The following NRDE2 variants were observed in gnomAD, a reference collection of about 807,000 sequenced individuals.
NRDE2 encodes the protein NRDE-2, necessary for RNA interference, domain containing.
NRDE2 carries 76 observed loss-of-function variants against 124.2 expected under a neutral mutation model. That is an observed-to-expected ratio of 0.61 (90% CI 0.51 to 0.74). The LOEUF is 0.74. NRDE2 is among the 30% of genes least tolerant of loss of function. NRDE2 has a pLI of 0.00. For missense variants in NRDE2, 1,314 were observed against 1,417.3 expected (o/e 0.93, Z 1.17); for synonymous variants, 489 against 528.1 (o/e 0.93, Z 1.01).
chr14:90,319,906 T>C (rs1885182352), intron 1 of NRDE2, among the ~76,000 whole-genome samples: 1 of 152,218 alleles, frequency 6.6e-6, no homozygotes, highest in Non-Finnish European at 1.5e-5. Context: ...TGCCAGATTG[T>C]TTTCCAAAGT....
intron 13 of NRDE2, 78 bp from the exon 14 acceptor site, chr14:90,278,539 A>G: frequency 6.3e-7 from 1 of 1,577,038 alleles, no homozygotes; most frequent in East Asian, 2.3e-5. Flanking sequence ...AGCAAGGGCC[A>G]GGTTCCTGGT....
intron 1 of NRDE2, among the ~76,000 whole-genome samples, chr14:90,325,580 C>T (rs1430354940): frequency 6.6e-6 from 1 of 152,140 alleles, no homozygotes; most frequent in African/African-American, 2.4e-5. Flanking sequence ...GGCTGGAGTG[C>T]AGTGGTGAGA....
intron 1 of NRDE2, among the ~76,000 whole-genome samples, chr14:90,320,441 TC>T (rs1186283806): frequency 6.6e-6 from 1 of 152,178 alleles, no homozygotes; most frequent in Non-Finnish European, 1.5e-5. Context: ...GCCCCCAGGA[TC>T]CAATCACCTC....
chr14:90,283,102 G>A (rs1892001096), intron 12 of NRDE2, among the ~76,000 whole-genome samples: 1 of 152,046 alleles, frequency 6.6e-6, no homozygotes, highest in Admixed American at 6.6e-5. Context: ...CCCTTCTCCC[G>A]CCTCTTCAGG....
chr14:90,288,911 C>T lies in NRDE2; in HGVS notation c.2464G>A (p.Glu822Lys), dbSNP rs1892192067. 6.2e-7 allele frequency: 1 copy of T among 1,613,984 alleles called. No homozygotes were observed. The highest frequency in any genetic ancestry group is 8.5e-7 in the Non-Finnish European group (1 of 1,179,856). Residue 822 changes from glutamate (E) to lysine (K), a missense_variant, in exon 11 of 14, where the codon GAG becomes AAG. Coordinates refer to ENST00000354366, the MANE Select transcript of NRDE2 (RefSeq NM_017970.4). ...SRELKDSDLCELSLLYAELEV... is the reference protein window; with the variant it reads ...SRELKDSDLCKLSLLYAELEV... ...AGCTCAGCATAGAGCAGACTGAGCT[C>T]ACAGAGGTCAGAGTCTTTCAGTTCT...
chr14:90,299,750 C>T (rs1315120630), intron 7 of NRDE2, among the ~76,000 whole-genome samples: 4 of 152,114 alleles, frequency 2.6e-5, no homozygotes, highest in Admixed American at 2.6e-4. Context: ...GACGACTACG[C>T]TCCCTCTTTA....
chr14:90,317,834 A>G lies in NRDE2; in HGVS notation c.173+171T>C, dbSNP rs867847985. On this transcript the variant is annotated intron_variant, in intron 2 of 13. Transcript: ENST00000354366. ...ATGTACTTGCCACTGCAAAGCAAAGAAAAAAAAAAGAATACAAGAGGTAAG... is the reference window on the plus strand; with the variant it reads ...ATGTACTTGCCACTGCAAAGCAAAGGAAAAAAAAAGAATACAAGAGGTAAG... The G allele has an allele frequency of 4.9e-5, 19 of 389,784 alleles. No individual in the cohort carries two copies. In the Middle Eastern group the frequency reaches 2.6e-3, roughly 54 times the overall value. The allele number at this position is 389,784 out of a possible 1,614,324, so 24.1% of individuals were successfully genotyped here. A position where few individuals can be genotyped will look rare whatever the true frequency, so the allele number is the denominator to read the frequency against.
chr14:90,316,845 T>C, intron 2 of NRDE2, 34 bp from the exon 3 acceptor site: 2 of 1,372,074 alleles, frequency 1.5e-6, no homozygotes, highest in Non-Finnish European at 2.0e-6. Flanking sequence ...AATTACTTTC[T>C]AAAAAGATGT....
chr14:90,331,821 C>A lies in NRDE2; in HGVS notation c.64+20G>T, dbSNP rs752266739. 25 of 1,613,852 alleles carry A rather than the reference C, an allele frequency of 1.5e-5. No individual in the cohort carries two copies. In the South Asian group the frequency reaches 2.6e-4, roughly 17 times the overall value. On this transcript the variant is annotated intron_variant, in intron 1 of 13. Transcript: ENST00000354366. ...TCTTAAGCCCCCCAGGTGCCTTCTT[C>A]GGCTCGTTTGTGTGCTTACCTTTCC...
intron 13 of NRDE2, chr14:90,278,707 C>T: frequency 1.8e-6 from 1 of 544,236 alleles, no homozygotes; most frequent in Non-Finnish European, 3.3e-6. Context: ...CCAGGAATTG[C>T]TGGCCGTCGC....
intron 4 of NRDE2, among the ~76,000 whole-genome samples, chr14:90,308,027 T>C (rs1184025835): frequency 6.6e-6 from 1 of 152,178 alleles, no homozygotes; most frequent in African/African-American, 2.4e-5. Flanking sequence ...GGACTACAGG[T>C]GTGGGTCACT....
At position 90,312,326 on chromosome 14, in the gene NRDE2, C is replaced by T. The variant is rs148573738; in HGVS notation, c.557+68G>A. On this transcript the variant is annotated intron_variant, in intron 4 of 13. Transcript: ENST00000354366. Reference sequence around the variant, plus strand: ...AGAGAAACAGGCAGGCAGACAGTGCCAAGAGAGTTCCGAGGAGAAAAAAGT... The same window carrying T: ...AGAGAAACAGGCAGGCAGACAGTGCTAAGAGAGTTCCGAGGAGAAAAAAGT... 2.3e-5 allele frequency: 34 copies of T among 1,500,290 alleles called. No homozygotes were observed. In the East Asian group the frequency reaches 5.9e-4, roughly 26 times the overall value. The allele number at this position is 1,500,290 out of a possible 1,614,324, so 92.9% of individuals were successfully genotyped here. A position where few individuals can be genotyped will look rare whatever the true frequency, so the allele number is the denominator to read the frequency against.
In NRDE2 at chr14:90,274,596, G is replaced by A. The variant is rs1891753934; in HGVS notation, c.*3740C>T. ...AGGGCTGATTCCGGGGCTAGGCAGGGAAAGGACAGGATGAACCCAAAGTCT... is the reference window on the plus strand; with the variant it reads ...AGGGCTGATTCCGGGGCTAGGCAGGAAAAGGACAGGATGAACCCAAAGTCT... On this transcript the variant is annotated 3_prime_UTR_variant, in exon 14 of 14. Transcript: ENST00000354366. 1 of 152,268 alleles carries A rather than the reference G, an allele frequency of 6.6e-6. No homozygotes were observed. Among genetic ancestry groups the A allele is most frequent in the Non-Finnish European group, 1.5e-5 (1 of 68,206 alleles). 9.4% of individuals were successfully genotyped at this position (152,268 alleles called of 1,614,324 possible).
rs1491397403 is a variant in NRDE2 at position 90,274,838 on chromosome 14, A to ACACACACACCCCC, written c.*3497_*3498insGGGGGTGTGTGTG. 6 of 67,218 alleles carry ACACACACACCCCC rather than the reference A, an allele frequency of 8.9e-5. No individual in the cohort carries two copies. The East Asian group carries it at 1.4e-3, about 15-fold the overall frequency. 4.2% of individuals were successfully genotyped at this position (67,218 alleles called of 1,614,324 possible). ...CACACACACACACACACACACACAC[A>ACACACACACCCCC]CCCCAATACATATGAATTGATCTGA... is the stretch of plus-strand genomic sequence containing the variant. On this transcript the variant is annotated 3_prime_UTR_variant, in exon 14 of 14. Transcript: ENST00000354366.
rs763738309 is a variant in NRDE2, at chr14:90,279,110, T to G, written c.3321A>C (p.Arg1107Ser). 1.2e-6 allele frequency: 2 copies of G among 1,612,232 alleles called. No individual in the cohort carries two copies. Among genetic ancestry groups the G allele is most frequent in the South Asian group, 2.2e-5 (2 of 91,040 alleles). The change falls in exon 13 of 14, where the codon AGA becomes AGC. Residue 1107 changes from arginine (R) to serine (S), a missense_variant. By Grantham distance (110) the Arg-to-Ser change is moderately radical. Transcript: ENST00000354366. ...NFLVSLGNKE[R>S]SKGVFYKALQ... Reference sequence around the variant, plus strand: ...GTGCTTTGTAGAATACACCTTTGCTTCTTTCTTTATTTCCTAAGGAAACCT... The same window carrying G: ...GTGCTTTGTAGAATACACCTTTGCTGCTTTCTTTATTTCCTAAGGAAACCT...
chr14:90,305,789 T>G lies in NRDE2; in HGVS notation c.558-1407A>C, dbSNP rs142937376. Among the ~76,000 whole-genome samples the G allele has an allele frequency of 4.8e-3, 727 of 152,336 alleles. 5 individuals are homozygous for G. Among genetic ancestry groups the G allele is most frequent in the African/African-American group, 0.014 (602 of 41,572 alleles). On this transcript the variant is annotated intron_variant, in intron 4 of 13. Coordinates refer to ENST00000354366, the MANE Select transcript of NRDE2 (RefSeq NM_017970.4). The stretch of plus-strand genomic sequence containing the variant: ...CCTCTGGGAGAATGGGGTACAGACT[T>G]ACCAGAAAAGAGCACGAGGAAACTT...
chr14:90,301,225 G>A lies in NRDE2; in HGVS notation c.1545+14C>T. On this transcript the variant is annotated intron_variant, in intron 7 of 13. Coordinates refer to ENST00000354366, the MANE Select transcript of NRDE2 (RefSeq NM_017970.4). ...AGCCAGGAAGAGAGAGATGAGGCGA[G>A]CAGAGCTGGGTACCTGTCCTTTGGT... 2 of 1,612,850 alleles carry A rather than the reference G, an allele frequency of 1.2e-6. No homozygotes were observed. The highest frequency in any genetic ancestry group is 2.2e-5 in the South Asian group (2 of 91,028).
At chr14:90,294,944 G>C (rs1892367546) in intron 8 of NRDE2, among the ~76,000 whole-genome samples, 1 of 152,166 alleles carries the variant, frequency 6.6e-6, no homozygotes, top group Non-Finnish European at 1.5e-5. Context: ...CCATGAGTTA[G>C]GAGGGGGAAG....
intron 3 of NRDE2, among the ~76,000 whole-genome samples, chr14:90,315,364 CTG>C (rs1179644922): frequency 6.6e-6 from 1 of 151,828 alleles, no homozygotes; most frequent in Non-Finnish European, 1.5e-5. Flanking sequence ...GAATGAGACT[CTG>C]TCTAAAAAAA....
Sources: gnomAD v4.1 joint callset for allele counts (sites outside exome capture counted in the v4.1 genomes callset) on GRCh38, gnomAD v4.1.1 for gene constraint, MANE v1.5 for transcripts, NCBI Gene and HGNC (gene_info 2026-07-23, HGNC 2026-07-21) for gene names.